COBLL1: variants seen among roughly 807,000 people sequenced by gnomAD.
COBLL1 encodes the protein cordon-bleu protein-like 1.
Under a neutral mutation model 94.8 loss-of-function variants are expected in COBLL1, and 50 were observed. The observed-to-expected ratio is 0.53, with a 90% confidence interval of 0.42 to 0.67. COBLL1 has a LOEUF of 0.67. COBLL1 is among the 30% of genes least tolerant of loss of function. COBLL1 has a pLI of 0.00. For synonymous variants in COBLL1, 448 were observed against 473.8 expected (o/e 0.95, Z 0.71); for missense variants, 1,362 against 1,348.7 (o/e 1.01, Z -0.15).
intron 9 of COBLL1, among the ~76,000 whole-genome samples, chr2:164,702,245 T>C (rs1684320370): frequency 6.6e-6 from 1 of 152,128 alleles, no homozygotes; most frequent in African/African-American, 2.4e-5. Context: ...ATTGTATCTA[T>C]GTGTTAAGAA....
intron 7 of COBLL1, among the ~76,000 whole-genome samples, chr2:164,717,810 C>T (rs1685251308): frequency 1.3e-5 from 2 of 152,156 alleles, no homozygotes; most frequent in Admixed American, 1.3e-4. Context: ...AGTGATCCTC[C>T]TACCTCGGCC....
At chr2:164,717,918 A>G (rs1685256056) in intron 7 of COBLL1, among the ~76,000 whole-genome samples, 1 of 152,224 alleles carries the variant, frequency 6.6e-6, no homozygotes, top group South Asian at 2.1e-4. Context: ...TATGCAATGT[A>G]CAGTATAGTT....
chr2:164,833,252 G>A (rs755451554), intron 2 of COBLL1, among the ~76,000 whole-genome samples: 4 of 151,858 alleles, frequency 2.6e-5, no homozygotes, highest in Non-Finnish European at 5.9e-5. Flanking sequence ...TACTAGGGAG[G>A]TTGAGGCGAG....
chr2:164,762,857 C>T (rs1340824889), intron 2 of COBLL1, among the ~76,000 whole-genome samples: 2 of 151,960 alleles, frequency 1.3e-5, no homozygotes, highest in Admixed American at 6.6e-5. Flanking sequence ...GCACCACGCC[C>T]GGCTAATTTT....
chr2:164,834,136 A>G (rs1683214586), intron 2 of COBLL1, among the ~76,000 whole-genome samples: 2 of 152,220 alleles, frequency 1.3e-5, no homozygotes. Context: ...TTAGAACACC[A>G]AAAGCTTGAG....
At chr2:164,789,425 T>G (rs567504964) in intron 2 of COBLL1, among the ~76,000 whole-genome samples, 1 of 152,130 alleles carries the variant, frequency 6.6e-6, no homozygotes, top group East Asian at 1.9e-4. Flanking sequence ...TGATAGAATA[T>G]GAAGCAAAAA....
chr2:164,715,684 G>A (rs1395405754), intron 7 of COBLL1, among the ~76,000 whole-genome samples: 1 of 151,926 alleles, frequency 6.6e-6, no homozygotes, highest in Non-Finnish European at 1.5e-5. Flanking sequence ...AATTAAGTCA[G>A]TTATTTTAAA....
chr2:164,690,207 C>T (rs1412755667), intron 13 of COBLL1, among the ~76,000 whole-genome samples: 4 of 151,902 alleles, frequency 2.6e-5, no homozygotes, highest in East Asian at 1.9e-4. Flanking sequence ...GAAAAATGCT[C>T]GTCATGAAGT....
intron 3 of COBLL1, among the ~76,000 whole-genome samples, chr2:164,733,615 T>A (rs1055636338): frequency 6.6e-6 from 1 of 152,174 alleles, no homozygotes; most frequent in Non-Finnish European, 1.5e-5. Flanking sequence ...TAACTACATA[T>A]GTGAATTTAA....
chr2:164,820,645 TAAG>T (rs1685117243), intron 2 of COBLL1, among the ~76,000 whole-genome samples: 1 of 152,220 alleles, frequency 6.6e-6, no homozygotes, highest in Non-Finnish European at 1.5e-5. Context: ...CTAGCTTCAG[TAAG>T]AATACCTGCA....
intron 11 of COBLL1, among the ~76,000 whole-genome samples, chr2:164,698,727 T>A (rs887113710): frequency 1.3e-5 from 2 of 151,942 alleles, no homozygotes; most frequent in Non-Finnish European, 2.9e-5. Flanking sequence ...AGTTGAGGAA[T>A]CATAAATATA....
chr2:164,742,731 C>G (rs896319383), intron 3 of COBLL1, among the ~76,000 whole-genome samples: 2 of 152,088 alleles, frequency 1.3e-5, no homozygotes, highest in Non-Finnish European at 2.9e-5. Flanking sequence ...TAAAGTTACA[C>G]ATGATTTTAA....
intron 1 of COBLL1, among the ~76,000 whole-genome samples, chr2:164,667,856 T>A (rs1024799442): frequency 6.6e-6 from 1 of 152,218 alleles, no homozygotes; most frequent in Non-Finnish European, 1.5e-5. Flanking sequence ...ATTCATGTGT[T>A]CACTGGAGTA....
chr2:164,832,824 A>G (rs1683135965), intron 2 of COBLL1, among the ~76,000 whole-genome samples: 1 of 151,992 alleles, frequency 6.6e-6, no homozygotes, highest in African/African-American at 2.4e-5. Flanking sequence ...CGGGCGGATC[A>G]CCTGAGGACG....
At chr2:164,790,220 T>C (rs1008860732) in intron 2 of COBLL1, among the ~76,000 whole-genome samples, 3 of 152,094 alleles carry the variant, frequency 2.0e-5, no homozygotes, top group African/African-American at 7.2e-5. Context: ...GTCAGGTTCA[T>C]TGGTGTGTCT....
rs373277324 is a variant in COBLL1, at chr2:164,709,006, A to G, written c.997-3901T>C. On this transcript the variant is annotated intron_variant, in intron 7 of 13. Coordinates refer to ENST00000652658, the MANE Select transcript of COBLL1 (RefSeq NM_001365672.2). The stretch of plus-strand genomic sequence containing the variant: ...TCTTATATTTTGGTTATAATAAAGC[A>G]GACAGTATAGAAATAAAAATGGAGG... Among the ~76,000 whole-genome samples the G allele has an allele frequency of 2.6e-4, 39 of 152,344 alleles. No homozygotes were observed. In the South Asian group the frequency reaches 8.1e-3, roughly 32 times the overall value.
At chr2:164,837,240 GA>G (rs1683357766) in intron 2 of COBLL1, among the ~76,000 whole-genome samples, 1 of 151,704 alleles carries the variant, frequency 6.6e-6, no homozygotes, top group Non-Finnish European at 1.5e-5. Context: ...AATTTCGAAG[GA>G]TTTTTTTTTT....
rs1685497194 is a variant in COBLL1, at chr2:164,722,434, C to T, written c.750G>A (p.Lys250=). ...ATAAGAAAATACTTACTTGGTCTCG[C>T]TTTTTCTTACTGCGTTGAAAAAAAC... The part of the protein sequence containing the change: ...FFSFFQRSKK[K]RDQTASAPAT... The change falls in exon 6 of 14, where the codon AAG becomes AAA. Residue 250 remains lysine, a synonymous_variant. Coordinates refer to ENST00000652658, the MANE Select transcript of COBLL1 (RefSeq NM_001365672.2). The T allele has an allele frequency of 6.6e-7, 1 of 1,521,236 alleles. No individual in the cohort carries two copies. The highest frequency in any genetic ancestry group is 8.8e-7 in the Non-Finnish European group (1 of 1,134,916). The allele number at this position is 1,521,236 out of a possible 1,614,324, so 94.2% of individuals were successfully genotyped here. A position where few individuals can be genotyped will look rare whatever the true frequency, so the allele number is the denominator to read the frequency against.
At chr2:164,839,822 T>G (rs1310786234) in intron 2 of COBLL1, among the ~76,000 whole-genome samples, 2 of 152,184 alleles carry the variant, frequency 1.3e-5, no homozygotes, top group Non-Finnish European at 2.9e-5. Context: ...TGAGAATATA[T>G]GTCAGGATAT....
Sources: allele counts gnomAD v4.1 joint callset (sites outside exome capture counted in the v4.1 genomes callset), GRCh38; gene constraint gnomAD v4.1.1; transcripts MANE v1.5; gene names NCBI Gene and HGNC (gene_info 2026-07-23, HGNC 2026-07-21).